Variants in IFNGR1 observed in about 807,000 individuals in gnomAD.
IFNGR1 encodes interferon gamma receptor 1.
A neutral mutation model predicts 35.4 loss-of-function variants in IFNGR1; 23 were observed. The observed-to-expected ratio is 0.65, with a 90% CI of 0.47 to 0.92. IFNGR1 has a LOEUF of 0.92. Ranked by LOEUF, IFNGR1 falls within the 40% of genes least tolerant of loss-of-function variation. The probability of loss-of-function intolerance (pLI) is 0.00; values close to 1 mark genes in which losing one functional copy is unlikely to be tolerated. For synonymous variants in IFNGR1, 199 were observed against 209.5 expected, an observed-to-expected ratio of 0.95 and a Z score of 0.43; for missense variants, 533 against 583.4, an observed-to-expected ratio of 0.91 and a Z score of 0.89.
rs987451673 is a variant in IFNGR1 at position 137,206,327 on chromosome 6, T to G, written c.201-19A>C. ...CTTAACACTAAAAAGAATAAAAAAA[T>G]GCGAAGATAACTTTTATTGTTATTA... On this transcript the variant is annotated intron_variant, in intron 2 of 6. Coordinates refer to ENST00000367739, the MANE Select transcript of IFNGR1 (RefSeq NM_000416.3). The G allele has an allele frequency of 3.2e-6, 5 of 1,568,544 alleles. No individual in the cohort carries two copies. The African/African-American group carries it at 5.4e-5, about 17-fold the overall frequency.
rs373865269 is a variant in IFNGR1 at position 137,198,180 on chromosome 6, C to T, written c.1321G>A (p.Glu441Lys). The T allele has an allele frequency of 6.8e-5, 110 of 1,613,998 alleles. No homozygotes were observed. The highest frequency in any genetic ancestry group is 8.9e-5 in the Non-Finnish European group (105 of 1,180,034). Residue 441 changes from glutamate (E) to lysine (K), a missense_variant, in exon 7 of 7, where the codon GAA becomes AAA. By Grantham distance (56) the Glu-to-Lys change is moderately conservative. Coordinates refer to ENST00000367739, the MANE Select transcript of IFNGR1 (RefSeq NM_000416.3). Reference sequence around the variant, plus strand: ...ATTACGGTTATGAGCTCTTGTCCTTCTGTTTTTATTTCACCTTTATTATTT... The same window carrying T: ...ATTACGGTTATGAGCTCTTGTCCTTTTGTTTTTATTTCACCTTTATTATTT... ...PPNNKGEIKT[E>K]GQELITVIKA...
intron 5 of IFNGR1, among the ~76,000 whole-genome samples, chr6:137,202,112 C>T (rs539499247): frequency 3.3e-5 from 5 of 152,208 alleles, no homozygotes; most frequent in East Asian, 1.9e-4. Context: ...GCTTCTATTA[C>T]GCTTATTACA....
chr6:137,209,215 G>A (rs759068353), intron 1 of IFNGR1, among the ~76,000 whole-genome samples: 45 of 152,180 alleles, frequency 3.0e-4, no homozygotes, highest in Non-Finnish European at 5.7e-4. Context: ...CAGGCTCACA[G>A]GCAGAAAGGA....
Position 137,215,687 on chromosome 6 carries a change from TACACAAACACACACACAC to T in IFNGR1, c.85+3538_85+3555del, listed in dbSNP as rs1021678705. ...TTTATTACTTTTCTTTAGGTTTTCA[TACACAAACACACACACAC>T]ACACAAACACACACACAAACACGAG... is the stretch of plus-strand genomic sequence containing the variant. On this transcript the variant is annotated intron_variant, in intron 1 of 6. Coordinates refer to ENST00000367739, the MANE Select transcript of IFNGR1 (RefSeq NM_000416.3). Among the ~76,000 whole-genome samples, 5 of 152,152 alleles carry T rather than the reference TACACAAACACACACACAC, an allele frequency of 3.3e-5. No individual in the cohort carries two copies. In the East Asian group the frequency reaches 7.7e-4, roughly 23 times the overall value.
intron 1 of IFNGR1, 70 bp downstream of exon 1, chr6:137,219,173 C>T: frequency 2.6e-6 from 4 of 1,542,798 alleles, no homozygotes; most frequent in Non-Finnish European, 3.5e-6. Flanking sequence ...GGCGGGGCTT[C>T]CCGGCTGGGG....
chr6:137,217,519 G>A (rs1779732080), intron 1 of IFNGR1, among the ~76,000 whole-genome samples: 1 of 152,170 alleles, frequency 6.6e-6, no homozygotes, highest in Non-Finnish European at 1.5e-5. Context: ...CTGGCATTTT[G>A]TTAGAATGGA....
At chr6:137,202,205 G>A (rs755717251) in intron 5 of IFNGR1, among the ~76,000 whole-genome samples, 4 of 152,184 alleles carry the variant, frequency 2.6e-5, no homozygotes, top group African/African-American at 7.2e-5. Context: ...GAAGTCCCAC[G>A]GGCTGAGCAA....
In IFNGR1 at chr6:137,198,077, G is replaced by T; in HGVS notation, c.1424C>A (p.Ser475Tyr). 6.2e-7 allele frequency: 1 copy of T among 1,614,084 alleles called. No individual in the cohort carries two copies. The highest frequency in any genetic ancestry group is 8.5e-7 in the Non-Finnish European group (1 of 1,180,014). Residue 475 changes from serine (S) to tyrosine (Y), a missense_variant, in exon 7 of 7, where the codon TCC (serine) becomes TAC (tyrosine). Transcript: ENST00000367739. ...TTCTGTTGGTCTATAACCAATCAAGGACTCTTTACCGCTATCATCCACAAG... is the reference window on the plus strand; with the variant it reads ...TTCTGTTGGTCTATAACCAATCAAGTACTCTTTACCGCTATCATCCACAAG... ...DLLVDDSGKE[S>Y]LIGYRPTEDS... is the part of the protein sequence containing the mutation.
rs1284550489 is a variant in IFNGR1, at chr6:137,198,595, T to C, written c.906A>G (p.Ser302=). 2.5e-6 allele frequency: 4 copies of C among 1,613,696 alleles called. No homozygotes were observed. Among genetic ancestry groups the C allele is most frequent in the Admixed American group, 3.3e-5 (2 of 59,972 alleles). The change falls in exon 7 of 7, where the codon TCA becomes TCG. Residue 302 remains serine (S), a synonymous_variant. Transcript: ENST00000367739. The stretch of plus-strand genomic sequence containing the variant: ...ATGACGTGATGAGTGATACATATTT[T>C]GATTCAGGTTTTGTCTCTAAAGTAG... The part of the protein sequence containing the change: ...RSATLETKPE[S]KYVSLITSYQ...
At chr6:137,217,651 G>A (rs181671302) in intron 1 of IFNGR1, among the ~76,000 whole-genome samples, 21 of 152,256 alleles carry the variant, frequency 1.4e-4, no homozygotes, top group African/African-American at 5.1e-4. Flanking sequence ...TGGGTTCCTG[G>A]TTCTAGCCTC....
chr6:137,197,953 T>C lies in IFNGR1; in HGVS notation c.*78A>G. The stretch of plus-strand genomic sequence containing the variant: ...ACCAACTAAGATACAATTTCTGAGA[T>C]CATAATCTTTTCATGAAATTAAAGC... On this transcript the variant is annotated 3_prime_UTR_variant, in exon 7 of 7. Transcript: ENST00000367739. The C allele has an allele frequency of 3.1e-6, 5 of 1,590,750 alleles. No individual in the cohort carries two copies. The highest frequency in any genetic ancestry group is 4.3e-6 in the Non-Finnish European group (5 of 1,161,030).
rs542709880 is a variant in IFNGR1, at chr6:137,197,967, T to A, written c.*64A>T. On this transcript the variant is annotated 3_prime_UTR_variant, in exon 7 of 7. Coordinates refer to ENST00000367739, the MANE Select transcript of IFNGR1 (RefSeq NM_000416.3). Reference sequence around the variant, plus strand: ...AATTTCTGAGATCATAATCTTTTCATGAAATTAAAGCAGAAAACTGTCCAG... The same window carrying A: ...AATTTCTGAGATCATAATCTTTTCAAGAAATTAAAGCAGAAAACTGTCCAG... 1 of 1,606,864 alleles carries A rather than the reference T, an allele frequency of 6.2e-7. No homozygotes were observed.
chr6:137,215,503 G>A (rs562713745), intron 1 of IFNGR1: 7 of 500,902 alleles, frequency 1.4e-5, no homozygotes, highest in African/African-American at 7.8e-5. Flanking sequence ...CCTTTAATAA[G>A]AAAATTACAA....
At chr6:137,218,325 G>A (rs1779757174) in intron 1 of IFNGR1, 2 of 447,458 alleles carry the variant, frequency 4.5e-6, no homozygotes, top group Non-Finnish European at 8.9e-6. Context: ...TGTTTTCTCT[G>A]GAGCTCGTAA....
Position 137,206,970 on chromosome 6 carries a change from T to A in IFNGR1, c.193A>T (p.Asn65Tyr). The A allele has an allele frequency of 1.2e-6, 2 of 1,607,744 alleles. No homozygotes were observed. The highest frequency in any genetic ancestry group is 1.7e-6 in the Non-Finnish European group (2 of 1,174,284). ...TAAAAGAGTGACACTCACCCATAGT[T>A]CTTTACCTCTACGGTAAAAACAGGG... ...QVPVFTVEVK[N>Y]YGVKNSEWID... The change falls in exon 2 of 7, where the codon AAC becomes TAC. Residue 65 changes from asparagine (N) to tyrosine (Y), a missense_variant. Physicochemically the swap from Asn to Tyr is moderately radical, Grantham distance 143. Coordinates refer to ENST00000367739, the MANE Select transcript of IFNGR1 (RefSeq NM_000416.3).
chr6:137,208,365 C>T (rs1237743618), intron 1 of IFNGR1, among the ~76,000 whole-genome samples: 1 of 152,190 alleles, frequency 6.6e-6, no homozygotes, highest in Admixed American at 6.5e-5. Context: ...TAATGTTAAT[C>T]CCCAAGGCCA....
At chr6:137,199,542 A>ATATATTATATATAATATATC (rs1779221210) in intron 6 of IFNGR1, among the ~76,000 whole-genome samples, 1 of 25,346 alleles carries the variant, frequency 3.9e-5, no homozygotes. Context: ...TATAATATAT[A>ATATATTATATATAATATATC]TTATATAACA....
chr6:137,212,608 G>A lies in IFNGR1; in HGVS notation c.86-5531C>T, dbSNP rs1409992. Among the ~76,000 whole-genome samples, 368 of 152,088 alleles carry A rather than the reference G, an allele frequency of 2.4e-3. 3 individuals are homozygous for A. The highest frequency in any genetic ancestry group is 3.3e-3 in the Non-Finnish European group (223 of 67,998). ...TAGGAATGGCTTTATAATGGTATAC[G>A]CTCAACCTGAAATTCCTGTGAGAAA... On this transcript the variant is annotated intron_variant, in intron 1 of 6. Transcript: ENST00000367739.
At position 137,207,089 on chromosome 6, in the gene IFNGR1, T is replaced by A. The variant is rs761509783; in HGVS notation, c.86-12A>T. ...AGTTGGTGTAGGCACTGTAAGAAAATAAAAAAGTAAAAGGGACAATTGTAA... is the reference window on the plus strand; with the variant it reads ...AGTTGGTGTAGGCACTGTAAGAAAAAAAAAAAGTAAAAGGGACAATTGTAA... On this transcript the variant is annotated splice_polypyrimidine_tract_variant and intron_variant, in intron 1 of 6. Transcript: ENST00000367739. The A allele has an allele frequency of 1.9e-6, 3 of 1,613,118 alleles. No homozygotes were observed. Among genetic ancestry groups the A allele is most frequent in the Non-Finnish European group, 2.5e-6 (3 of 1,179,530 alleles).
Sources: gnomAD v4.1 joint callset for allele counts (sites outside exome capture counted in the v4.1 genomes callset) on GRCh38, gnomAD v4.1.1 for gene constraint, MANE v1.5 for transcripts, NCBI Gene and HGNC (gene_info 2026-07-23, HGNC 2026-07-21) for gene names.